Variants in SP140 observed in about 807,000 individuals in gnomAD.
SP140 encodes the protein SP140 nuclear body protein, also known as nuclear body protein SP140.
A neutral mutation model predicts 125.0 loss-of-function variants in SP140; 81 were observed. The observed-to-expected ratio is 0.65, with a 90% confidence interval of 0.54 to 0.78. The LOEUF (loss-of-function observed/expected upper bound fraction) is 0.78, where lower values mean the gene tolerates loss of function less well. Among genes scored for constraint, SP140 ranks in the 30% least tolerant of loss-of-function variants. The pLI is 0.00. For synonymous variants in SP140, 312 were observed against 354.0 expected (o/e 0.88, Z 1.33); for missense variants, 858 against 1,037.0 (o/e 0.83, Z 2.37).
intron 12 of SP140, among the ~76,000 whole-genome samples, chr2:230,258,069 G>T (rs2149273118): frequency 6.6e-6 from 1 of 152,252 alleles, no homozygotes; most frequent in Non-Finnish European, 1.5e-5. Context: ...AGCTATTGTT[G>T]ATTAATTGGG....
At chr2:230,291,668 T>C (rs976396913) in intron 19 of SP140, among the ~76,000 whole-genome samples, 8 of 152,372 alleles carry the variant, frequency 5.3e-5, no homozygotes, top group Non-Finnish European at 8.8e-5. Flanking sequence ...AAACTCATCA[T>C]TTGGAACTAT....
intron 6 of SP140, 141 bp from the exon 7 acceptor site, chr2:230,245,722 G>T: frequency 1.6e-6 from 1 of 614,434 alleles, no homozygotes; most frequent in South Asian, 2.0e-5. Context: ...GCTAGAAGAA[G>T]TAGAGCCACT....
chr2:230,212,712 G>A (rs777025953), intron 1 of SP140: 1 of 1,608,228 alleles, frequency 6.2e-7, no homozygotes, highest in Non-Finnish European at 8.5e-7. Flanking sequence ...CATGGCACAG[G>A]CACCTTAGGC....
chr2:230,273,686 G>A (rs963504516), intron 15 of SP140, among the ~76,000 whole-genome samples: 1 of 152,058 alleles, frequency 6.6e-6, no homozygotes, highest in African/African-American at 2.4e-5. Flanking sequence ...GCAAAGACAT[G>A]GAATCAACCT....
chr2:230,246,245 T>A (rs1161737900), intron 7 of SP140, among the ~76,000 whole-genome samples: 3 of 152,142 alleles, frequency 2.0e-5, no homozygotes, highest in Non-Finnish European at 4.4e-5. Flanking sequence ...TCAGACTGGT[T>A]GGGGCTTTCC....
At chr2:230,306,965 G>A (rs1339316116) in intron 22 of SP140, among the ~76,000 whole-genome samples, 1 of 152,338 alleles carries the variant, frequency 6.6e-6, no homozygotes, top group East Asian at 1.9e-4. Flanking sequence ...AACTTGTAAT[G>A]CCTTTCAAAG....
intron 22 of SP140, among the ~76,000 whole-genome samples, chr2:230,301,993 T>C (rs2058322583): frequency 6.6e-6 from 1 of 152,136 alleles, no homozygotes. Flanking sequence ...TCTTACATCA[T>C]ACAAAACAGA....
chr2:230,258,425 ATAC>A (rs1403209714), intron 12 of SP140, among the ~76,000 whole-genome samples: 9 of 152,216 alleles, frequency 5.9e-5, no homozygotes, highest in Non-Finnish European at 1.3e-4. Context: ...GCTGCTTGCA[ATAC>A]TATCCTATTT....
intron 22 of SP140, among the ~76,000 whole-genome samples, chr2:230,308,825 CT>C (rs1374837671): frequency 6.6e-6 from 1 of 152,220 alleles, no homozygotes; most frequent in African/African-American, 2.4e-5. Flanking sequence ...ATTCTAGGCC[CT>C]CCCAGTGTTA....
At chr2:230,215,097 T>C in intron 3 of SP140, 2 of 1,613,808 alleles carry the variant, frequency 1.2e-6, no homozygotes, top group Non-Finnish European at 1.7e-6. Context: ...GGGATCAAAT[T>C]TCTACAGGCT....
intron 1 of SP140, chr2:230,235,167 A>G (rs1256581638): frequency 1.3e-5 from 2 of 152,134 alleles, no homozygotes; most frequent in African/African-American, 2.4e-5. Flanking sequence ...TCGTAGAGCA[A>G]ACTGTTTTTA....
In SP140 at chr2:230,211,413, C is replaced by T; in HGVS notation, c.-322-2241C>T. 1 of 1,109,038 alleles carries T rather than the reference C, an allele frequency of 9.0e-7. No individual in the cohort carries two copies. Among genetic ancestry groups the T allele is most frequent in the Non-Finnish European group, 1.4e-6 (1 of 719,078 alleles). 68.7% of individuals were successfully genotyped at this position (1,109,038 alleles called of 1,614,324 possible). A position where few individuals can be genotyped will look rare whatever the true frequency, so the allele number is the denominator to read the frequency against. On this transcript the variant is annotated intron_variant, in intron 1 of 4. Transcript: ENST00000456542. The surrounding 1 kb of genome is among the most constrained non-coding windows in gnomAD (Gnocchi z 4.2). Reference sequence around the variant, plus strand: ...TCTCTAGAAGATCCGAATGGCTTTTCCTCTTAGTAAACACAGAAACAAAGG... The same window carrying T: ...TCTCTAGAAGATCCGAATGGCTTTTTCTCTTAGTAAACACAGAAACAAAGG...
chr2:230,315,013 G>C (rs1001073859), downstream of SP140, among the ~76,000 whole-genome samples: 4 of 152,252 alleles, frequency 2.6e-5, no homozygotes, highest in Admixed American at 6.5e-5. Flanking sequence ...GGAAGGCCTG[G>C]CCTGTAGGTA....
chr2:230,236,854 G>A (rs1435584323), intron 1 of SP140, among the ~76,000 whole-genome samples: 3 of 152,174 alleles, frequency 2.0e-5, no homozygotes, highest in Non-Finnish European at 4.4e-5. Context: ...AACAGGGTGA[G>A]CCTTTTTACT....
chr2:230,265,865 C>G (rs576009580), intron 12 of SP140, among the ~76,000 whole-genome samples: 2 of 151,868 alleles, frequency 1.3e-5, no homozygotes, highest in African/African-American at 4.8e-5. Flanking sequence ...AGGCTGGTCA[C>G]GAACCATGGC....
rs185927427 is a variant in SP140 at position 230,219,136 on chromosome 2, A to G, written c.-91+5062A>G. On this transcript the variant is annotated intron_variant, in intron 3 of 4. Transcript: ENST00000456542. ...GTTACTCAGGAGGCTGAGGCAGGAG[A>G]ATCGCTTGAACCTGGGAGGTGGAGG... Among the ~76,000 whole-genome samples the G allele has an allele frequency of 1.2e-4, 19 of 152,292 alleles. No homozygotes were observed. The East Asian group carries it at 3.7e-3, about 29-fold the overall frequency.
chr2:230,209,857 A>C (rs2044276849), intron 1 of SP140: 2 of 877,618 alleles, frequency 2.3e-6, no homozygotes, highest in South Asian at 2.6e-5. Context: ...GCTCTTGACA[A>C]GATACAGTCA....
chr2:230,211,554 C>G lies in SP140; in HGVS notation c.-322-2100C>G, dbSNP rs753039871. On this transcript the variant is annotated intron_variant, in intron 1 of 4. Coordinates refer to the SP140 transcript ENST00000456542. The surrounding 1 kb of genome is among the most constrained non-coding windows in gnomAD (Gnocchi z 4.2). The stretch of plus-strand genomic sequence containing the variant: ...TGGGGGATCAGGTTGTCACTGGCCA[C>G]TGAATGGAGGAAGAAAAAGTTTTAG... 4 of 1,593,628 alleles carry G rather than the reference C, an allele frequency of 2.5e-6. 1 individual carries two copies. In the South Asian group the frequency reaches 4.4e-5, roughly 18 times the overall value.
At chr2:230,282,936 G>T (rs749299156) in intron 15 of SP140, among the ~76,000 whole-genome samples, 15 of 152,188 alleles carry the variant, frequency 9.9e-5, no homozygotes, top group Admixed American at 2.0e-4. Context: ...TTTGTGTGTG[G>T]CTGGGGAGAG....
Sources: allele counts gnomAD v4.1 joint callset (sites outside exome capture counted in the v4.1 genomes callset), GRCh38; gene constraint gnomAD v4.1.1; non-coding constraint Gnocchi (gnomAD v3.1); transcripts MANE v1.5; gene names NCBI Gene and HGNC (gene_info 2026-07-23, HGNC 2026-07-21).